Variants in ROBO2 observed in about 807,000 individuals in gnomAD.
ROBO2 encodes the protein roundabout homolog 2.
A neutral mutation model predicts 160.8 loss-of-function variants in ROBO2; 53 were observed. That is an observed-to-expected ratio of 0.33 (90% confidence interval 0.26 to 0.41). ROBO2 has a LOEUF of 0.41. ROBO2 is among the 10% of genes least tolerant of loss of function. ROBO2 has a pLI of 1.00. For synonymous variants in ROBO2, 664 were observed against 611.7 expected (o/e 1.09, Z -1.26); for missense variants, 1,577 against 1,722.4 (o/e 0.92, Z 1.49).
At chr3:76,173,782 T>C (rs1164628301) in intron 2 of ROBO2, among the ~76,000 whole-genome samples, 1 of 152,120 alleles carries the variant, frequency 6.6e-6, no homozygotes, top group East Asian at 1.9e-4. Flanking sequence ...ATTTGGGTTG[T>C]TTCCAAGTCT....
intron 2 of ROBO2, among the ~76,000 whole-genome samples, chr3:76,471,310 C>T (rs1241144814): frequency 1.3e-5 from 2 of 152,146 alleles, no homozygotes; most frequent in East Asian, 3.9e-4. Context: ...ATTTTTAGAG[C>T]TGCTTCTAGT....
chr3:76,785,767 G>A (rs2062934680), intron 2 of ROBO2, among the ~76,000 whole-genome samples: 5 of 151,208 alleles, frequency 3.3e-5, no homozygotes, highest in Admixed American at 2.0e-4. Context: ...TGCCAACTAA[G>A]TCAGCCCTAT....
At chr3:76,091,462 C>T (rs2069232952) in intron 2 of ROBO2, among the ~76,000 whole-genome samples, 1 of 152,162 alleles carries the variant, frequency 6.6e-6, no homozygotes, top group East Asian at 1.9e-4. Flanking sequence ...CAGGACCTCT[C>T]ATTCATTGCT....
At chr3:76,189,160 C>T (rs1182734718) in intron 2 of ROBO2, among the ~76,000 whole-genome samples, 4 of 151,876 alleles carry the variant, frequency 2.6e-5, no homozygotes, top group Non-Finnish European at 5.9e-5. Context: ...AAAACAAAGC[C>T]TCAAATTTTC....
At chr3:77,164,921 G>A (rs1216063232) in intron 2 of ROBO2, among the ~76,000 whole-genome samples, 6 of 111,906 alleles carry the variant, frequency 5.4e-5, no homozygotes, top group African/African-American at 9.1e-5. Context: ...CAGCCGCCCC[G>A]TCCGGGAGGG....
In ROBO2 at chr3:76,132,404, G is replaced by GT. The variant is rs199672363; in HGVS notation, c.109+194802_109+194803insT. Among the ~76,000 whole-genome samples the GT allele has an allele frequency of 1.3e-4, 17 of 133,352 alleles. 1 individual carries two copies. The highest frequency in any genetic ancestry group is 4.6e-4 in the African/African-American group (17 of 37,078). 87.5% of individuals were successfully genotyped at this position (133,352 alleles called of 152,430 possible). ...CAAATTCCAGACTGTTGGGGGGGGGGGGGGACGCAGATGTTCAGCATAAAC... is the reference window on the plus strand; with the variant it reads ...CAAATTCCAGACTGTTGGGGGGGGGGTGGGGACGCAGATGTTCAGCATAAAC... On this transcript the variant is annotated intron_variant, in intron 2 of 26. Coordinates refer to the ROBO2 transcript ENST00000487694.
chr3:77,552,022 A>C (rs779137689), intron 8 of ROBO2, among the ~76,000 whole-genome samples: 1 of 152,006 alleles, frequency 6.6e-6, no homozygotes, highest in Non-Finnish European at 1.5e-5. Flanking sequence ...TGCTGCAGAG[A>C]TTTACTGCTA....
chr3:76,375,319 A>T (rs912172385), intron 2 of ROBO2, among the ~76,000 whole-genome samples: 2 of 151,956 alleles, frequency 1.3e-5, no homozygotes, highest in Admixed American at 1.3e-4. Flanking sequence ...ACCAGGAAAA[A>T]TGGCTTTAAG....
intron 2 of ROBO2, among the ~76,000 whole-genome samples, chr3:77,189,672 G>A (rs925672954): frequency 6.6e-6 from 1 of 151,918 alleles, no homozygotes; most frequent in African/African-American, 2.4e-5. Flanking sequence ...GCGGGTATAT[G>A]AGTATACACA....
At chr3:77,598,058 T>A (rs2153689722) in intron 19 of ROBO2, among the ~76,000 whole-genome samples, 1 of 152,304 alleles carries the variant, frequency 6.6e-6, no homozygotes, top group East Asian at 1.9e-4. Flanking sequence ...AATAGTGCTG[T>A]AATCCAAGCA....
chr3:76,744,012 C>T (rs983378834), intron 2 of ROBO2, among the ~76,000 whole-genome samples: 4 of 152,034 alleles, frequency 2.6e-5, no homozygotes, highest in Non-Finnish European at 1.5e-5. Flanking sequence ...TATTGAATAA[C>T]TACTGTGTGT....
At chr3:76,949,538 C>G (rs965319921) in intron 2 of ROBO2, among the ~76,000 whole-genome samples, 1 of 152,186 alleles carries the variant, frequency 6.6e-6, no homozygotes, top group East Asian at 1.9e-4. Context: ...TTTAAGGTGT[C>G]CAAGACCGAA....
rs562855459 is a variant in ROBO2, at chr3:77,246,197, C to G, written c.388+147857C>G. Among the ~76,000 whole-genome samples, 101 of 152,200 alleles carry G rather than the reference C, an allele frequency of 6.6e-4. 2 individuals are homozygous for G. The South Asian group carries it at 0.017, about 25-fold the overall frequency. The stretch of plus-strand genomic sequence containing the variant: ...ATGGAAAAGGAATAGTAAATCTAAG[C>G]AACTTTTTCATGAGTTTATACCTTC... On this transcript the variant is annotated intron_variant, in intron 2 of 25. Coordinates refer to ENST00000461745, the Ensembl canonical transcript of ROBO2.
intron 2 of ROBO2, among the ~76,000 whole-genome samples, chr3:76,669,125 G>A (rs1031713786): frequency 6.6e-6 from 1 of 152,022 alleles, no homozygotes; most frequent in African/African-American, 2.4e-5. Flanking sequence ...CTACGGAATG[G>A]GAAGCACCCT....
intron 2 of ROBO2, among the ~76,000 whole-genome samples, chr3:76,158,448 TAA>T (rs34598279): frequency 3.4e-5 from 5 of 146,594 alleles, no homozygotes; most frequent in East Asian, 2.0e-4. Context: ...ACTATACCCC[TAA>T]AAAAAAAAAA....
At chr3:76,770,005 T>A (rs2061792178) in intron 2 of ROBO2, among the ~76,000 whole-genome samples, 1 of 151,520 alleles carries the variant, frequency 6.6e-6, no homozygotes, top group Non-Finnish European at 1.5e-5. Context: ...TGCCAACATG[T>A]ATTTTTCACT....
intron 5 of ROBO2, among the ~76,000 whole-genome samples, chr3:77,510,867 G>A (rs1159919633): frequency 5.9e-5 from 9 of 151,936 alleles, no homozygotes; most frequent in African/African-American, 1.9e-4. Flanking sequence ...GGTTGGAGGC[G>A]TGGTCTTCAT....
At chr3:77,295,591 A>C (rs1299114978) in intron 2 of ROBO2, among the ~76,000 whole-genome samples, 1 of 84,632 alleles carries the variant, frequency 1.2e-5, no homozygotes. Flanking sequence ...GGGTAAGCTG[A>C]GGCTAGATCA....
intron 2 of ROBO2, among the ~76,000 whole-genome samples, chr3:76,440,054 G>A (rs2076853484): frequency 6.6e-6 from 1 of 151,970 alleles, no homozygotes; most frequent in Admixed American, 6.6e-5. Context: ...TTCTACATTT[G>A]CATTCTGGGG....
Sources: gnomAD v4.1 joint callset for allele counts (sites outside exome capture counted in the v4.1 genomes callset) on GRCh38, gnomAD v4.1.1 for gene constraint, MANE v1.5 for transcripts, NCBI Gene and HGNC (gene_info 2026-07-23, HGNC 2026-07-21) for gene names.